The following DCAF6 variants were observed in gnomAD, a reference collection of about 807,000 sequenced individuals.
DCAF6 encodes the protein DDB1- and CUL4-associated factor 6.
DCAF6 carries 54 observed loss-of-function variants against 125.1 expected under a neutral mutation model. That is an observed-to-expected ratio of 0.43 (90% CI 0.35 to 0.54). The LOEUF (loss-of-function observed/expected upper bound fraction) is 0.54. DCAF6 is among the 20% of genes least tolerant of loss of function. The pLI is 0.01. For synonymous variants in DCAF6, 371 were observed against 390.4 expected (o/e 0.95, Z 0.58); for missense variants, 934 against 1,161.7 (o/e 0.80, Z 2.85).
the DCAF6 span, among the ~76,000 whole-genome samples, chr1:167,925,474 T>TACAC: frequency 1.0e-5 from 1 of 96,832 alleles, no homozygotes; most frequent in South Asian, 3.0e-4. Flanking sequence ...TATATATATA[T>TACAC]ACATATACAT....
chr1:167,946,010 G>T, intron 1 of DCAF6, among the ~76,000 whole-genome samples: 1 of 142,726 alleles, frequency 7.0e-6, no homozygotes, highest in African/African-American at 2.6e-5. Context: ...AGGCTGGAGT[G>T]CAATGGCACA....
the DCAF6 span, among the ~76,000 whole-genome samples, chr1:167,915,670 C>T: frequency 2.0e-5 from 3 of 152,130 alleles, no homozygotes; most frequent in African/African-American, 7.2e-5. Flanking sequence ...AGTCTTGTCG[C>T]GAACTCCTGA....
the DCAF6 span, among the ~76,000 whole-genome samples, chr1:167,912,931 T>C: frequency 2.0e-5 from 3 of 152,180 alleles, no homozygotes; most frequent in Non-Finnish European, 4.4e-5. Context: ...AATATCCAGG[T>C]CTGTGGGACT....
At chr1:168,044,065 C>T (rs938040603) in intron 14 of DCAF6, among the ~76,000 whole-genome samples, 1 of 152,076 alleles carries the variant, frequency 6.6e-6, no homozygotes, top group African/African-American at 2.4e-5. Flanking sequence ...TCCTGGGCTT[C>T]AGGAAGAAGC....
At chr1:168,041,287 G>T (rs372314164) in intron 13 of DCAF6, among the ~76,000 whole-genome samples, 1 of 151,834 alleles carries the variant, frequency 6.6e-6, no homozygotes, top group Non-Finnish European at 1.5e-5. Context: ...TTCTTATTGC[G>T]TTATTAGAGC....
chr1:167,899,507 A>G, the DCAF6 span: 3 of 1,614,162 alleles, frequency 1.9e-6, no homozygotes, highest in African/African-American at 1.3e-5. Flanking sequence ...ACAGAATAAC[A>G]TCATTCATCT....
chr1:168,015,675 A>G lies in DCAF6; in HGVS notation c.1379-106A>G, dbSNP rs192900759. On this transcript the variant is annotated intron_variant, in intron 10 of 21. Coordinates refer to ENST00000367840, the MANE Select transcript of DCAF6 (RefSeq NM_001198956.2). The stretch of plus-strand genomic sequence containing the variant: ...TTTGTTTATAGTATTCCTCTATGAG[A>G]CATGTGTTTTGTTTATATCCTTCTT... The G allele has an allele frequency of 8.1e-6, 8 of 986,364 alleles. No individual in the cohort carries two copies. The African/African-American group carries it at 1.3e-4, about 17-fold the overall frequency. 61.1% of individuals were successfully genotyped at this position (986,364 alleles called of 1,614,324 possible).
chr1:167,948,321 TCTGTC>T (rs145462305), intron 1 of DCAF6, among the ~76,000 whole-genome samples: 4,553 of 152,214 alleles, frequency 0.03, 231 homozygotes, highest in African/African-American at 0.1. Flanking sequence ...CTAGCAGTCA[TCTGTC>T]CTGTGCCAAG....
At chr1:167,982,298 G>A (rs1387538190) in intron 4 of DCAF6, among the ~76,000 whole-genome samples, 1 of 152,104 alleles carries the variant, frequency 6.6e-6, no homozygotes, top group East Asian at 1.9e-4. Flanking sequence ...CTGGAGTGCA[G>A]TGGTGCGATC....
At position 167,957,100 on chromosome 1, in the gene DCAF6, TA is replaced by T. The variant is rs915758559; in HGVS notation, c.159+5240del. ...GACATGTTGACTATAAGTGGACATT[TA>T]TTTTTTTTTTAATTTAGATGTGCTC... On this transcript the variant is annotated intron_variant, in intron 2 of 21. Transcript: ENST00000367840. Among the ~76,000 whole-genome samples, 197 of 147,452 alleles carry T rather than the reference TA, an allele frequency of 1.3e-3. 1 individual carries two copies. Among genetic ancestry groups the T allele is most frequent in the African/African-American group, 5.0e-3 (192 of 38,260 alleles).
chr1:167,982,562 C>T (rs183419619), intron 4 of DCAF6, among the ~76,000 whole-genome samples: 52 of 152,228 alleles, frequency 3.4e-4, no homozygotes, highest in Non-Finnish European at 6.5e-4. Context: ...GGATATTAAA[C>T]CTTCGTCAGG....
At chr1:167,878,512 T>C in the DCAF6 span, 7 of 1,614,162 alleles carry the variant, frequency 4.3e-6, no homozygotes, top group Admixed American at 3.3e-5. Flanking sequence ...CATAACTTTC[T>C]TTGGAAGCTC....
intron 12 of DCAF6, among the ~76,000 whole-genome samples, chr1:168,027,388 AT>A (rs1686477376): frequency 6.6e-6 from 1 of 152,134 alleles, no homozygotes; most frequent in African/African-American, 2.4e-5. Flanking sequence ...TTATTTCAAA[AT>A]TTTAACCTTT....
chr1:167,904,568 T>G, the DCAF6 span: 4 of 392,930 alleles, frequency 1.0e-5, no homozygotes, highest in Non-Finnish European at 1.8e-5. Context: ...GAATAAAATT[T>G]TCATTCCGTG....
intron 17 of DCAF6, among the ~76,000 whole-genome samples, chr1:168,054,845 C>G (rs2101884267): frequency 6.9e-6 from 1 of 144,288 alleles, no homozygotes; most frequent in East Asian, 2.0e-4. Context: ...GAGACGGAGT[C>G]TCACTCTGTT....
the DCAF6 span, among the ~76,000 whole-genome samples, chr1:167,885,656 A>G: frequency 2.0e-5 from 3 of 151,792 alleles, no homozygotes; most frequent in African/African-American, 7.3e-5. Context: ...TCACTCTGTC[A>G]CCTGGGCTGG....
At chr1:167,975,507 C>T (rs1367828260) in intron 4 of DCAF6, among the ~76,000 whole-genome samples, 1 of 152,154 alleles carries the variant, frequency 6.6e-6, no homozygotes, top group Non-Finnish European at 1.5e-5. Context: ...ATTTAAGACT[C>T]AATTTTAGTG....
chr1:167,918,938 A>G, the DCAF6 span, among the ~76,000 whole-genome samples: 8 of 152,254 alleles, frequency 5.3e-5, no homozygotes, highest in African/African-American at 1.9e-4. Context: ...TTTCCTGTGC[A>G]AAAGTATTAT....
chr1:168,003,331 A>G (rs973186109), intron 8 of DCAF6, among the ~76,000 whole-genome samples: 22 of 152,148 alleles, frequency 1.4e-4, no homozygotes, highest in African/African-American at 5.1e-4. Context: ...CAGGAGGAAA[A>G]GGAGTGAGGG....
Sources: gnomAD v4.1 joint callset for allele counts (sites outside exome capture counted in the v4.1 genomes callset) on GRCh38, gnomAD v4.1.1 for gene constraint, MANE v1.5 for transcripts, NCBI Gene and HGNC (gene_info 2026-07-23, HGNC 2026-07-21) for gene names.